The following POLN variants were observed in gnomAD, a reference collection of about 807,000 sequenced individuals.
POLN encodes the protein DNA polymerase N.
POLN carries 108 observed loss-of-function variants against 113.5 expected under a neutral mutation model. That is an observed-to-expected ratio of 0.95 (90% CI 0.81 to 1.12). The LOEUF (loss-of-function observed/expected upper bound fraction) is 1.12. POLN is among the 50% of genes most tolerant of loss of function. POLN has a pLI of 0.00. For synonymous variants in POLN, 386 were observed against 391.5 expected (o/e 0.99, Z 0.17); for missense variants, 1,097 against 1,077.1 (o/e 1.02, Z -0.26).
In POLN at chr4:2,242,099, C is replaced by A. The variant is rs1735014103; in HGVS notation, c.-332G>T. The stretch of plus-strand genomic sequence containing the variant: ...CGCAGGAGCCCGCCGCCACCGCCCT[C>A]CGTGCCCCGCGCGCCTCGCACTGCC... On this transcript the variant is annotated 5_prime_UTR_variant, in exon 1 of 26. Transcript: ENST00000511885. 1.0e-6 allele frequency: 1 copy of A among 985,804 alleles called. No individual in the cohort carries two copies. The highest frequency in any genetic ancestry group is 1.2e-6 in the Non-Finnish European group (1 of 830,292). The allele number at this position is 985,804 out of a possible 1,614,324, so 61.1% of individuals were successfully genotyped here.
rs555020991 is a variant in POLN at position 2,214,999 on chromosome 4, T to A, written c.134-1873A>T. ...TAACAAAAACAGATAGGAAATAATA[T>A]CCATCATCTAACCAAATAATCTCTA... On this transcript the variant is annotated intron_variant, in intron 3 of 25. Coordinates refer to ENST00000511885, the MANE Select transcript of POLN (RefSeq NM_181808.4). 2.6e-5 allele frequency among the ~76,000 whole-genome samples: 4 copies of A among 152,018 alleles called. No individual in the cohort carries two copies. The South Asian group carries it at 8.3e-4, about 32-fold the overall frequency.
At chr4:2,228,390 G>A (rs1349369714) in intron 3 of POLN, 28 of 211,806 alleles carry the variant, frequency 1.3e-4, no homozygotes, top group African/African-American at 2.8e-4. Flanking sequence ...TCACTCTGTC[G>A]CCCACGCTGG....
intron 3 of POLN, among the ~76,000 whole-genome samples, chr4:2,221,282 G>A (rs999671184): frequency 2.0e-5 from 3 of 151,942 alleles, no homozygotes; most frequent in Admixed American, 6.6e-5. Context: ...CTGGGATTCC[G>A]TGCCATCATG....
At chr4:2,136,409 G>A (rs968964722) in intron 16 of POLN, among the ~76,000 whole-genome samples, 1 of 152,236 alleles carries the variant, frequency 6.6e-6, no homozygotes, top group African/African-American at 2.4e-5. Context: ...GGGTTGCTCT[G>A]GGCAGCCCAA....
intron 13 of POLN, among the ~76,000 whole-genome samples, chr4:2,160,852 C>G (rs1732563408): frequency 6.6e-6 from 1 of 152,160 alleles, no homozygotes; most frequent in Admixed American, 6.5e-5. Flanking sequence ...TAAAGATGTC[C>G]TCTTGTTATA....
chr4:2,177,636 C>A (rs145302577), intron 8 of POLN, among the ~76,000 whole-genome samples: 1 of 152,204 alleles, frequency 6.6e-6, no homozygotes, highest in Admixed American at 6.5e-5. Flanking sequence ...GGCACATGTA[C>A]GTTAACCTTT....
Position 2,195,556 on chromosome 4 carries a change from T to C in POLN, c.909-2240A>G, listed in dbSNP as rs1222434083. 2.0e-5 allele frequency among the ~76,000 whole-genome samples: 3 copies of C among 149,952 alleles called. No homozygotes were observed. The Admixed American group carries it at 2.0e-4, about 10-fold the overall frequency. On this transcript the variant is annotated intron_variant, in intron 6 of 25. Coordinates refer to ENST00000511885, the MANE Select transcript of POLN (RefSeq NM_181808.4). Reference sequence around the variant, plus strand: ...TAGAGTGCAGTAGTGCAATCACAGCTCACTGCAGGCTCAAACTGCTGGACC... The same window carrying C: ...TAGAGTGCAGTAGTGCAATCACAGCCCACTGCAGGCTCAAACTGCTGGACC...
intron 7 of POLN, among the ~76,000 whole-genome samples, chr4:2,192,552 C>T (rs913021832): frequency 2.0e-5 from 3 of 151,980 alleles, no homozygotes; most frequent in African/African-American, 7.2e-5. Flanking sequence ...GTTGCCCAGG[C>T]TGGTCTTGAA....
At chr4:2,179,674 G>A (rs529523271) in intron 7 of POLN, among the ~76,000 whole-genome samples, 14 of 152,260 alleles carry the variant, frequency 9.2e-5, no homozygotes, top group Non-Finnish European at 1.5e-4. Flanking sequence ...CACATGGCCC[G>A]TCTCTGTGGG....
chr4:2,081,591 A>C, intron 22 of POLN, 42 bp downstream of exon 22: 13 of 1,596,156 alleles, frequency 8.1e-6, no homozygotes, highest in Non-Finnish European at 1.1e-5. Context: ...AAAACCCAAG[A>C]AGCAAATGGA....
chr4:2,093,757 T>G lies in POLN; in HGVS notation c.2065+2094A>C, dbSNP rs189326535. 3.9e-5 allele frequency among the ~76,000 whole-genome samples: 6 copies of G among 152,318 alleles called. No individual in the cohort carries two copies. Among genetic ancestry groups the G allele is most frequent in the Non-Finnish European group, 7.4e-5 (5 of 68,020 alleles). On this transcript the variant is annotated intron_variant, in intron 20 of 25. Transcript: ENST00000511885. The surrounding 1 kb of genome is among the most constrained non-coding windows in gnomAD (Gnocchi z 4.1). ...GCAACTCTGAGGAGAATCAATCCAATGTCACACTACTGTCACTCACAGAAC... is the reference window on the plus strand; with the variant it reads ...GCAACTCTGAGGAGAATCAATCCAAGGTCACACTACTGTCACTCACAGAAC...
chr4:2,224,394 G>C (rs1734334465), intron 3 of POLN, among the ~76,000 whole-genome samples: 1 of 152,036 alleles, frequency 6.6e-6, no homozygotes, highest in Non-Finnish European at 1.5e-5. Context: ...TTTTTCATAA[G>C]AAGGAGTATA....
At position 2,072,234 on chromosome 4, in the gene POLN, G is replaced by C. The variant is rs546171582; in HGVS notation, c.2583C>G (p.Ala861=). The change falls in exon 26 of 26, where the codon GCC becomes GCG. Residue 861 remains alanine (A), a synonymous_variant. Coordinates refer to ENST00000511885, the MANE Select transcript of POLN (RefSeq NM_181808.4). Reference sequence around the variant, plus strand: ...GACATGGGCCTGGCGGAGGGCCCCAGGCCTCCTGCAGTGGCACCAGGTGTC... The same window carrying C: ...GACATGGGCCTGGCGGAGGGCCCCACGCCTCCTGCAGTGGCACCAGGTGTC... ...SWGHLVPLQE[A]WGPPPGPCRT... is the part of the protein sequence containing the mutation. 22 of 1,603,312 alleles carry C rather than the reference G, an allele frequency of 1.4e-5. No homozygotes were observed. The highest frequency in any genetic ancestry group is 1.7e-5 in the Non-Finnish European group (20 of 1,174,216).
intron 16 of POLN, chr4:2,140,051 G>A (rs1037452641): frequency 2.0e-5 from 3 of 150,706 alleles, no homozygotes; most frequent in African/African-American, 7.3e-5. Flanking sequence ...TTCACCTTTT[G>A]TTGGGTACAT....
At chr4:2,079,555 G>C (rs1215877919) in intron 23 of POLN, 6 of 985,544 alleles carry the variant, frequency 6.1e-6, no homozygotes, top group Non-Finnish European at 7.2e-6. Context: ...GCAGATGGCA[G>C]TGAGATGGGG....
At chr4:2,137,638 C>T (rs1459576119) in intron 16 of POLN, among the ~76,000 whole-genome samples, 1 of 152,166 alleles carries the variant, frequency 6.6e-6, no homozygotes, top group Non-Finnish European at 1.5e-5. Context: ...CCCCCCTCAC[C>T]CACTAAAGCT....
chr4:2,131,084 T>C (rs895644153), intron 17 of POLN, 149 bp downstream of exon 17: 2 of 542,042 alleles, frequency 3.7e-6, no homozygotes, highest in Admixed American at 3.6e-5. Context: ...ACCCAGGAGA[T>C]TGAGGTGGGA....
At chr4:2,161,177 G>A (rs1732577622) in intron 13 of POLN, among the ~76,000 whole-genome samples, 1 of 152,258 alleles carries the variant, frequency 6.6e-6, no homozygotes, top group South Asian at 2.1e-4. Context: ...CGGCACTTGA[G>A]GAGCCCTTCA....
At position 2,093,626 on chromosome 4, in the gene POLN, CAA is replaced by C. The variant is rs1475520898; in HGVS notation, c.2065+2223_2065+2224del. 6.6e-6 allele frequency among the ~76,000 whole-genome samples: 1 copy of C among 152,138 alleles called. No individual in the cohort carries two copies. Among genetic ancestry groups the C allele is most frequent in the East Asian group, 1.9e-4 (1 of 5,180 alleles). ...CAAGATGCAGCAGGATGCAAGGCAA[CAA>C]ACTCTCATATAATTTGGCAGAGTGA... On this transcript the variant is annotated intron_variant, in intron 20 of 25. Coordinates refer to ENST00000511885, the MANE Select transcript of POLN (RefSeq NM_181808.4). The surrounding 1 kb of genome is among the most constrained non-coding windows in gnomAD (Gnocchi z 4.1).
Sources: gnomAD v4.1 joint callset for allele counts (sites outside exome capture counted in the v4.1 genomes callset) on GRCh38, gnomAD v4.1.1 for gene constraint, Gnocchi (gnomAD v3.1) non-coding constraint, MANE v1.5 for transcripts, NCBI Gene and HGNC (gene_info 2026-07-23, HGNC 2026-07-21) for gene names.